The following IFT56 variants were observed in gnomAD, a reference collection of about 807,000 sequenced individuals.
IFT56 encodes intraflagellar transport 56, also known as intraflagellar transport protein 56.
the IFT56 span, chr7:139,147,138 A>G: frequency 6.2e-7 from 1 of 1,611,866 alleles, no homozygotes; most frequent in Non-Finnish European, 8.5e-7. Context: ...CACTCTCACA[A>G]TTTTAGTTTA....
the IFT56 span, among the ~76,000 whole-genome samples, chr7:139,171,997 C>G: frequency 1.5e-4 from 23 of 152,244 alleles, no homozygotes; most frequent in African/African-American, 5.5e-4. Flanking sequence ...AAACGTGTAG[C>G]TGCAAATTTT....
the IFT56 span, among the ~76,000 whole-genome samples, chr7:139,161,916 C>T: frequency 6.6e-6 from 1 of 152,016 alleles, no homozygotes; most frequent in African/African-American, 2.4e-5. Flanking sequence ...ATTAATTTTT[C>T]TGGATAATTA....
the IFT56 span, chr7:139,178,093 G>A: frequency 1.4e-6 from 1 of 722,766 alleles, no homozygotes; most frequent in Non-Finnish European, 2.3e-6. Flanking sequence ...TATAATGTCA[G>A]AATCTAGAAA....
the IFT56 span, among the ~76,000 whole-genome samples, chr7:139,174,621 G>T: frequency 5.9e-5 from 9 of 152,048 alleles, no homozygotes; most frequent in Non-Finnish European, 1.3e-4. Context: ...TCTGACAAGG[G>T]ATTAATAATC....
the IFT56 span, chr7:139,160,807 A>G: frequency 6.3e-5 from 34 of 542,238 alleles, no homozygotes; most frequent in East Asian, 1.6e-4. Flanking sequence ...GTGGGTAATA[A>G]TAATTACATT....
chr7:139,142,108 C>A, the IFT56 span: 11 of 794,210 alleles, frequency 1.4e-5, no homozygotes, highest in Non-Finnish European at 2.3e-5. Flanking sequence ...CAGGTGGACA[C>A]CAGACTCAAA....
chr7:139,166,779 G>A, the IFT56 span: 2 of 870,914 alleles, frequency 2.3e-6, no homozygotes, highest in African/African-American at 1.7e-5. Context: ...TCTTTTGGGA[G>A]GACTGCTTCA....
the IFT56 span, chr7:139,187,440 A>G: frequency 6.2e-7 from 1 of 1,614,098 alleles, no homozygotes; most frequent in South Asian, 1.1e-5. Flanking sequence ...AAAGCTTTTG[A>G]TGTCCTTGAG....
the IFT56 span, among the ~76,000 whole-genome samples, chr7:139,150,284 C>T: frequency 6.6e-6 from 1 of 152,218 alleles, no homozygotes; most frequent in Non-Finnish European, 1.5e-5. Context: ...TTAGAGTTTT[C>T]ACCCGTTAGT....
chr7:139,168,476 C>T, the IFT56 span: 1 of 1,068,472 alleles, frequency 9.4e-7, no homozygotes, highest in Non-Finnish European at 1.4e-6. Flanking sequence ...TATCAAAGTG[C>T]AAGCAGCAAT....
chr7:139,140,499 G>T, the IFT56 span, among the ~76,000 whole-genome samples: 2 of 152,188 alleles, frequency 1.3e-5, no homozygotes, highest in East Asian at 3.9e-4. Flanking sequence ...GTTAAAGATG[G>T]CTGGGTGCGG....
the IFT56 span, among the ~76,000 whole-genome samples, chr7:139,157,400 G>A: frequency 6.6e-6 from 1 of 151,504 alleles, no homozygotes; most frequent in Non-Finnish European, 1.5e-5. Flanking sequence ...ACCTGCCTGG[G>A]CCTCCCAAAG....
At chr7:139,190,604 A>G in the IFT56 span, 1 of 152,168 alleles carries the variant, frequency 6.6e-6, no homozygotes, top group Admixed American at 6.6e-5. Flanking sequence ...GCACTTATTA[A>G]TGTAACGATA....
the IFT56 span, among the ~76,000 whole-genome samples, chr7:139,164,394 G>T: frequency 2.0e-5 from 3 of 152,184 alleles, no homozygotes; most frequent in African/African-American, 7.2e-5. Flanking sequence ...GCCTAGAAAA[G>T]AGTTTTGTTA....
At chr7:139,185,053 C>CAAAA in the IFT56 span, among the ~76,000 whole-genome samples, 8 of 111,546 alleles carry the variant, frequency 7.2e-5, no homozygotes, top group African/African-American at 2.2e-4. Context: ...GACTCCATCT[C>CAAAA]AAAAAAAAAA....
At chr7:139,136,299 T>G in the IFT56 span, among the ~76,000 whole-genome samples, 1 of 152,152 alleles carries the variant, frequency 6.6e-6, no homozygotes, top group African/African-American at 2.4e-5. Flanking sequence ...TTCTCATCTT[T>G]ACAGTGGGGG....
At chr7:139,139,971 A>T in the IFT56 span, 8 of 1,611,536 alleles carry the variant, frequency 5.0e-6, no homozygotes, top group Non-Finnish European at 6.8e-6. Flanking sequence ...CTTTCTTGGG[A>T]TGTATAAACA....
the IFT56 span, chr7:139,191,781 A>T: frequency 6.6e-6 from 1 of 152,216 alleles, no homozygotes; most frequent in African/African-American, 2.4e-5. Context: ...TGGTTTTCTT[A>T]CATGTGATGA....
the IFT56 span, among the ~76,000 whole-genome samples, chr7:139,145,114 A>T: frequency 6.6e-6 from 1 of 152,214 alleles, no homozygotes; most frequent in Non-Finnish European, 1.5e-5. Flanking sequence ...GATACCTGTC[A>T]GAGATTGCAA....
Sources: gnomAD v4.1 joint callset for allele counts (sites outside exome capture counted in the v4.1 genomes callset) on GRCh38, gnomAD v4.1.1 for gene constraint, MANE v1.5 for transcripts, NCBI Gene and HGNC (gene_info 2026-07-23, HGNC 2026-07-21) for gene names.